Variants in COL12A1 observed in about 807,000 individuals in gnomAD.
The protein encoded by COL12A1 is collagen alpha-1(XII) chain.
COL12A1 carries 114 observed loss-of-function variants against 349.7 expected under a neutral mutation model. That is an observed-to-expected ratio of 0.33 (90% confidence interval 0.28 to 0.38). COL12A1 has a LOEUF of 0.38. COL12A1 is among the 10% of genes least tolerant of loss of function. The pLI, the probability that COL12A1 is intolerant of heterozygous loss-of-function variation, is 1.00. For missense variants in COL12A1, 3,284 were observed against 3,756.9 expected (o/e 0.87, Z 3.29); for synonymous variants, 1,369 against 1,329.0 (o/e 1.03, Z -0.66).
intron 59 of COL12A1, among the ~76,000 whole-genome samples, chr6:75,096,894 T>TCAAA (rs1213012854): frequency 9.8e-5 from 3 of 30,586 alleles, no homozygotes; most frequent in African/African-American, 4.3e-4. Flanking sequence ...AGACTCCGTC[T>TCAAA]CAAAAAAAAA....
intron 10 of COL12A1, among the ~76,000 whole-genome samples, chr6:75,182,012 C>T (rs1769332841): frequency 6.7e-6 from 1 of 149,142 alleles, no homozygotes; most frequent in Non-Finnish European, 1.5e-5. Flanking sequence ...GCGAGAATTG[C>T]TTGAACTGGG....
chr6:75,162,480 C>T (rs964735635), intron 14 of COL12A1, among the ~76,000 whole-genome samples: 1 of 152,142 alleles, frequency 6.6e-6, no homozygotes, highest in Non-Finnish European at 1.5e-5. Flanking sequence ...AAACTGGATC[C>T]TTTCCTTACA....
At chr6:75,125,035 T>C (rs900574272) in intron 40 of COL12A1, 92 bp downstream of exon 40, 2 of 1,268,274 alleles carry the variant, frequency 1.6e-6, no homozygotes, top group Non-Finnish European at 2.1e-6. Flanking sequence ...TGAGGAAACA[T>C]GTATATGTTC....
At position 75,184,255 on chromosome 6, in the gene COL12A1, T is replaced by C. The variant is rs149476237; in HGVS notation, c.998-111A>G. 1.9e-4 allele frequency: 227 copies of C among 1,173,738 alleles called. No homozygotes were observed. The African/African-American group carries it at 3.3e-3, about 17-fold the overall frequency. The allele number at this position is 1,173,738 out of a possible 1,614,324, so 72.7% of individuals were successfully genotyped here. On this transcript the variant is annotated intron_variant, in intron 8 of 65. Coordinates refer to ENST00000322507, the MANE Select transcript of COL12A1 (RefSeq NM_004370.6). ...CTTATTCAAATTCATCCTAAATACA[T>C]TGAAAAGAGTTGCCCAATACCCGCC...
At chr6:75,162,746 T>C in intron 14 of COL12A1, among the ~76,000 whole-genome samples, 1 of 152,124 alleles carries the variant, frequency 6.6e-6, no homozygotes, top group East Asian at 1.9e-4. Flanking sequence ...GGGAGAAAAT[T>C]TTTGCAATCT....
intron 2 of COL12A1, among the ~76,000 whole-genome samples, chr6:75,197,108 C>A (rs1176074635): frequency 6.6e-6 from 1 of 152,140 alleles, no homozygotes; most frequent in African/African-American, 2.4e-5. Context: ...TCTATTTGTA[C>A]ATTTGTTTGT....
intron 37 of COL12A1, among the ~76,000 whole-genome samples, chr6:75,129,418 T>C (rs922123630): frequency 3.3e-5 from 5 of 152,192 alleles, no homozygotes; most frequent in African/African-American, 1.2e-4. Flanking sequence ...TTGTGCAATA[T>C]TCTGCAAATG....
chr6:75,158,282 T>G (rs980938190), intron 14 of COL12A1, among the ~76,000 whole-genome samples: 1 of 152,084 alleles, frequency 6.6e-6, no homozygotes, highest in Non-Finnish European at 1.5e-5. Flanking sequence ...GCTTGGTGAC[T>G]TTATAAGAAA....
rs781495545 is a variant in COL12A1, at chr6:75,086,522, C to T, written c.*25G>A. ...GATTTTCATGTATTCAAACTGTAAG[C>T]AGCACTGGCGACTTAGAAAATGTGT... On this transcript the variant is annotated 3_prime_UTR_variant, in exon 66 of 66. Transcript: ENST00000322507. 3 of 1,604,800 alleles carry T rather than the reference C, an allele frequency of 1.9e-6. No individual in the cohort carries two copies. The South Asian group carries it at 3.3e-5, about 18-fold the overall frequency.
chr6:75,191,173 A>C (rs1769909562), intron 5 of COL12A1, among the ~76,000 whole-genome samples: 1 of 151,976 alleles, frequency 6.6e-6, no homozygotes, highest in South Asian at 2.1e-4. Flanking sequence ...TGTGTTACAG[A>C]GACTCTCAAA....
At chr6:75,171,152 T>C (rs559466483) in intron 13 of COL12A1, among the ~76,000 whole-genome samples, 1 of 152,326 alleles carries the variant, frequency 6.6e-6, no homozygotes, top group South Asian at 2.1e-4. Flanking sequence ...AGACTTGAAG[T>C]TCAATTACAT....
intron 10 of COL12A1, among the ~76,000 whole-genome samples, chr6:75,182,359 C>A (rs901921154): frequency 6.6e-6 from 1 of 152,008 alleles, no homozygotes; most frequent in South Asian, 2.1e-4. Context: ...ATCCCTCCCC[C>A]AGCCCCCCCA....
At chr6:75,182,004 G>A (rs1350451040) in intron 10 of COL12A1, among the ~76,000 whole-genome samples, 14 of 150,780 alleles carry the variant, frequency 9.3e-5, no homozygotes, top group African/African-American at 3.2e-4. Flanking sequence ...GCTGGGGTGC[G>A]AGAATTGCTT....
intron 45 of COL12A1, 47 bp downstream of exon 45, chr6:75,119,303 C>T (rs1769238587): frequency 6.2e-7 from 1 of 1,604,896 alleles, no homozygotes; most frequent in South Asian, 1.1e-5. Flanking sequence ...ACACTCAGTT[C>T]TGCCACTACA....
chr6:75,115,861 T>C lies in COL12A1; in HGVS notation c.7620A>G (p.Val2540=), dbSNP rs542659971. The C allele has an allele frequency of 4.3e-6, 7 of 1,613,504 alleles. No homozygotes were observed. Among genetic ancestry groups the C allele is most frequent in the Non-Finnish European group, 4.2e-6 (5 of 1,179,670 alleles). ...TGGGGAAAGACCCTGACTCCAAAGA[T>C]ACTCCTTGTACAGAAGCAAAATTCT... ...TEKNFASVQG[V]SLESGSFPSY... Residue 2540 remains valine (V), a synonymous_variant, in exon 49 of 66, where the codon GTA becomes GTG. Coordinates refer to ENST00000322507, the MANE Select transcript of COL12A1 (RefSeq NM_004370.6).
intron 13 of COL12A1, among the ~76,000 whole-genome samples, chr6:75,171,192 C>T (rs969449674): frequency 1.3e-5 from 2 of 152,152 alleles, no homozygotes; most frequent in Admixed American, 6.6e-5. Flanking sequence ...ATTACATTGT[C>T]TAACTGCTCT....
Position 75,177,917 on chromosome 6 carries a change from T to C in COL12A1, c.2183A>G (p.Asn728Ser). The C allele has an allele frequency of 6.2e-7, 1 of 1,607,222 alleles. No homozygotes were observed. The highest frequency in any genetic ancestry group is 1.3e-5 in the African/African-American group (1 of 74,894). The change falls in exon 12 of 66, where the codon AAC becomes AGC. Residue 728 changes from asparagine (N) to serine (S), a missense_variant. Asn to Ser is a conservative substitution (Grantham distance 46). Transcript: ENST00000322507. ...TTEEVKGAPR[N>S]LKVTDETTDS... is the part of the protein sequence containing the mutation. ...TGTAGTCTCATCTGTCACCTTTAGG[T>C]TTCGAGGTGCTCCTTTTACTGAAAT...
intron 2 of COL12A1, among the ~76,000 whole-genome samples, chr6:75,201,608 C>A (rs1269364521): frequency 1.3e-5 from 2 of 151,510 alleles, no homozygotes; most frequent in African/African-American, 2.4e-5. Flanking sequence ...CCCTTAACTT[C>A]ATCAGGGGTA....
At chr6:75,128,192 T>C in intron 38 of COL12A1, 104 bp downstream of exon 38, 2 of 951,146 alleles carry the variant, frequency 2.1e-6, no homozygotes, top group Admixed American at 3.0e-5. Flanking sequence ...GTATTTGAGA[T>C]GTATTGGTAA....
Sources: allele counts gnomAD v4.1 joint callset (sites outside exome capture counted in the v4.1 genomes callset), GRCh38; gene constraint gnomAD v4.1.1; transcripts MANE v1.5; gene names NCBI Gene and HGNC (gene_info 2026-07-23, HGNC 2026-07-21).